TXNL4A: variants seen among roughly 807,000 people sequenced by gnomAD.
TXNL4A encodes the protein thioredoxin-like protein 4A.
In TXNL4A, 17 loss-of-function variants were observed where a neutral mutation model predicts 14.6. The ratio of observed to expected loss-of-function variants is 1.16; its 90% CI spans 0.80 to 1.74. The LOEUF (loss-of-function observed/expected upper bound fraction) is 1.74. Among genes scored for constraint, TXNL4A ranks in the 40% most tolerant of loss-of-function variants. The pLI is 0.00. For synonymous variants in TXNL4A, 83 were observed against 70.6 expected (o/e 1.18, Z -0.88); for missense variants, 74 against 195.2 (o/e 0.38, Z 3.70).
intron 1 of TXNL4A, among the ~76,000 whole-genome samples, chr18:80,017,962 G>C (rs1043218899): frequency 1.3e-5 from 2 of 151,002 alleles, no homozygotes; most frequent in African/African-American, 2.4e-5. Context: ...TTGTACCTCT[G>C]GTAGAATTCG....
chr18:80,007,697 T>C (rs2051741143), intron 1 of TXNL4A, among the ~76,000 whole-genome samples: 1 of 152,092 alleles, frequency 6.6e-6, no homozygotes, highest in Admixed American at 6.6e-5. Context: ...ATAAACAATA[T>C]GAGAGGGCCT....
chr18:80,009,700 C>T (rs933675403), intron 1 of TXNL4A, among the ~76,000 whole-genome samples: 2 of 152,196 alleles, frequency 1.3e-5, no homozygotes, highest in African/African-American at 4.8e-5. Context: ...AGGTCGGCAA[C>T]TTGAGAGATG....
chr18:80,002,475 G>A (rs1346475775), intron 1 of TXNL4A, among the ~76,000 whole-genome samples: 2 of 152,172 alleles, frequency 1.3e-5, no homozygotes, highest in African/African-American at 4.8e-5. Context: ...GTTGCTTATA[G>A]AGTCCAAACT....
upstream of TXNL4A, among the ~76,000 whole-genome samples, chr18:79,991,381 T>C (rs995103990): frequency 1.6e-4 from 24 of 152,074 alleles, no homozygotes; most frequent in Admixed American, 2.0e-4. Flanking sequence ...ACACAAAATA[T>C]GGAGTCGTTT....
chr18:80,019,862 G>A (rs1009291445), intron 1 of TXNL4A, among the ~76,000 whole-genome samples: 9 of 152,086 alleles, frequency 5.9e-5, no homozygotes, highest in Non-Finnish European at 1.3e-4. Flanking sequence ...TTTTTGCGTA[G>A]CGTTAAAAAT....
intron 1 of TXNL4A, among the ~76,000 whole-genome samples, chr18:80,012,315 A>G (rs2051775384): frequency 6.6e-6 from 1 of 152,180 alleles, no homozygotes; most frequent in Admixed American, 6.5e-5. Context: ...TGACATAGAG[A>G]TAAGTGACCT....
intron 1 of TXNL4A, among the ~76,000 whole-genome samples, chr18:80,032,516 C>T (rs2051928955): frequency 6.6e-6 from 1 of 152,284 alleles, no homozygotes; most frequent in East Asian, 1.9e-4. Context: ...ATATTTTGCC[C>T]ACAAGGAGAT....
At chr18:79,992,876 T>TAAAA (rs59567705), upstream of TXNL4A, among the ~76,000 whole-genome samples, 1,580 of 78,548 alleles carry the variant, frequency 0.02, 86 homozygotes, top group African/African-American at 0.043. Context: ...TCATCTTATG[T>TAAAA]AAAAAAAAAA....
chr18:80,026,624 G>A (rs907499815), intron 1 of TXNL4A, among the ~76,000 whole-genome samples: 1 of 152,142 alleles, frequency 6.6e-6, no homozygotes, highest in African/African-American at 2.4e-5. Context: ...AGTTAACATG[G>A]TGGGTATGTC....
At chr18:80,025,521 G>GA (rs1254437826) in intron 1 of TXNL4A, among the ~76,000 whole-genome samples, 4 of 152,226 alleles carry the variant, frequency 2.6e-5, no homozygotes, top group African/African-American at 9.6e-5. Context: ...GGAAGATGTA[G>GA]AAAAGGGGAA....
intron 1 of TXNL4A, among the ~76,000 whole-genome samples, chr18:80,024,878 C>T (rs1215316910): frequency 6.6e-6 from 1 of 152,174 alleles, no homozygotes; most frequent in African/African-American, 2.4e-5. Context: ...TTGGGTCCGA[C>T]ATATGTCCCG....
At chr18:79,987,756 A>G (rs965477282) in intron 1 of TXNL4A, among the ~76,000 whole-genome samples, 1 of 152,244 alleles carries the variant, frequency 6.6e-6, no homozygotes, top group African/African-American at 2.4e-5. Flanking sequence ...GCTGTAAACC[A>G]CATGACTCAC....
intron 1 of TXNL4A, among the ~76,000 whole-genome samples, chr18:79,984,882 G>A (rs1287887043): frequency 6.6e-6 from 1 of 152,240 alleles, no homozygotes; most frequent in Non-Finnish European, 1.5e-5. Context: ...TGAACCCCAA[G>A]CACTGCTGTG....
In TXNL4A at chr18:79,988,552, G is replaced by T. The variant is rs985569127; in HGVS notation, c.-160C>A. 23 of 746,444 alleles carry T rather than the reference G, an allele frequency of 3.1e-5. No individual in the cohort carries two copies. Among genetic ancestry groups the T allele is most frequent in the Non-Finnish European group, 3.8e-5 (21 of 545,640 alleles). The allele number at this position is 746,444 out of a possible 1,614,324, so 46.2% of individuals were successfully genotyped here. On this transcript the variant is annotated 5_prime_UTR_variant, in exon 1 of 3. Coordinates refer to ENST00000269601, the MANE Select transcript of TXNL4A (RefSeq NM_006701.5). Reference sequence around the variant, plus strand: ...GCAAACTCCGCTGGGACTGCCACCCGGCAGAACGTCTGGGCGCGCACGCAC... The same window carrying T: ...GCAAACTCCGCTGGGACTGCCACCCTGCAGAACGTCTGGGCGCGCACGCAC...
chr18:79,984,539 G>A (rs1462756978), intron 1 of TXNL4A, among the ~76,000 whole-genome samples: 2 of 152,174 alleles, frequency 1.3e-5, no homozygotes. Flanking sequence ...ACTCTAGCCT[G>A]GACAACACAA....
intron 2 of TXNL4A, among the ~76,000 whole-genome samples, chr18:79,975,094 G>A (rs1329632537): frequency 3.9e-5 from 6 of 152,152 alleles, no homozygotes; most frequent in Non-Finnish European, 7.3e-5. Context: ...TACAATGACT[G>A]GGGGCTGCCC....
chr18:80,020,129 T>G (rs1403005235), intron 1 of TXNL4A, among the ~76,000 whole-genome samples: 3 of 152,208 alleles, frequency 2.0e-5, no homozygotes, highest in African/African-American at 7.2e-5. Context: ...AACGGGAGTT[T>G]GCCAGCACAG....
At chr18:80,006,664 G>A (rs917168957) in intron 1 of TXNL4A, among the ~76,000 whole-genome samples, 9 of 152,178 alleles carry the variant, frequency 5.9e-5, no homozygotes, top group Non-Finnish European at 8.8e-5. Context: ...AATTGAGGAC[G>A]TAGACCCACA....
intron 1 of TXNL4A, among the ~76,000 whole-genome samples, chr18:79,999,555 A>G (rs1229403209): frequency 6.6e-6 from 1 of 151,876 alleles, no homozygotes; most frequent in African/African-American, 2.4e-5. Flanking sequence ...AAAAAAAAAA[A>G]AAGCTATTCT....
Sources: allele counts gnomAD v4.1 joint callset (sites outside exome capture counted in the v4.1 genomes callset), GRCh38; gene constraint gnomAD v4.1.1; transcripts MANE v1.5; gene names NCBI Gene and HGNC (gene_info 2026-07-23, HGNC 2026-07-21).